LIN9: variants seen among roughly 807,000 people sequenced by gnomAD.
LIN9 encodes the protein protein lin-9 homolog.
Under a neutral mutation model 78.0 loss-of-function variants are expected in LIN9, and 18 were observed. The observed-to-expected ratio is 0.23, with a 90% CI of 0.16 to 0.34. The LOEUF (loss-of-function observed/expected upper bound fraction) is 0.34. LIN9 is among the 10% of genes least tolerant of loss of function. The pLI, the probability that LIN9 is intolerant of heterozygous loss-of-function variation, is 1.00. For synonymous variants in LIN9, 192 were observed against 215.2 expected (o/e 0.89, Z 0.94); for missense variants, 451 against 644.1 (o/e 0.70, Z 3.25).
At chr1:226,236,760 C>CTA (rs1427488968) in intron 12 of LIN9, among the ~76,000 whole-genome samples, 1 of 152,210 alleles carries the variant, frequency 6.6e-6, no homozygotes, top group African/African-American at 2.4e-5. Context: ...CCCGGCGTGT[C>CTA]TGACTTTATT....
intron 1 of LIN9, among the ~76,000 whole-genome samples, chr1:226,301,685 T>G (rs981149290): frequency 1.3e-5 from 2 of 152,216 alleles, no homozygotes; most frequent in African/African-American, 4.8e-5. Context: ...TATGTGATAC[T>G]TCAAGATCTA....
At chr1:226,275,235 CAT>C (rs1660566906) in intron 7 of LIN9, among the ~76,000 whole-genome samples, 1 of 152,176 alleles carries the variant, frequency 6.6e-6, no homozygotes, top group African/African-American at 2.4e-5. Flanking sequence ...TAAGTCACAA[CAT>C]ATCATTATTC....
At chr1:226,255,933 A>T (rs1659163269) in intron 10 of LIN9, among the ~76,000 whole-genome samples, 1 of 152,116 alleles carries the variant, frequency 6.6e-6, no homozygotes, top group Non-Finnish European at 1.5e-5. Context: ...AAAAAGGAAG[A>T]ACTATCTGAA....
At chr1:226,280,129 T>G (rs1263192651) in intron 6 of LIN9, among the ~76,000 whole-genome samples, 1 of 152,226 alleles carries the variant, frequency 6.6e-6, no homozygotes, top group Non-Finnish European at 1.5e-5. Context: ...CTAGAGCCTA[T>G]CTTCCTTCCG....
At chr1:226,260,628 GTTTTTTTTTTTTTTTTT>G (rs559460640) in intron 10 of LIN9, among the ~76,000 whole-genome samples, 34 of 73,438 alleles carry the variant, frequency 4.6e-4, no homozygotes, top group African/African-American at 1.5e-3. Context: ...GGCCAAATGA[GTTTTTTTTTTTTTTTTT>G]TTTTTTTTTT....
Position 226,233,517 on chromosome 1 carries a change from G to C in LIN9, c.1252C>G (p.Pro418Ala), listed in dbSNP as rs770313501. 3 of 1,612,598 alleles carry C rather than the reference G, an allele frequency of 1.9e-6. No homozygotes were observed. Among genetic ancestry groups the C allele is most frequent in the South Asian group, 2.2e-5 (2 of 90,714 alleles). The change falls in exon 13 of 15, where the codon CCA (proline) becomes GCA (alanine). Residue 418 changes from proline to alanine, a missense_variant. By Grantham distance (27) the Pro-to-Ala change is conservative. Coordinates refer to ENST00000681046, the MANE Select transcript of LIN9 (RefSeq NM_001366245.2). ...TCTGCAGGCTGGAGCCCCTGGTCTG[G>C]AGCAAGCTGAATACAGATGATTGAA... ...KVQQYCYELA[P>A]DQGLQPADQP...
At chr1:226,299,528 G>C (rs930395256) in intron 2 of LIN9, among the ~76,000 whole-genome samples, 4 of 150,850 alleles carry the variant, frequency 2.7e-5, no homozygotes, top group African/African-American at 7.3e-5. Context: ...AAAAAGGCAG[G>C]GGGGAGAGAA....
chr1:226,277,110 G>A (rs143209314), intron 7 of LIN9, among the ~76,000 whole-genome samples: 1,610 of 151,602 alleles, frequency 0.011, 24 homozygotes, highest in African/African-American at 0.036. Context: ...TTGGGAAACT[G>A]AGGCAGGAGG....
intron 10 of LIN9, among the ~76,000 whole-genome samples, chr1:226,261,135 T>C (rs527700090): frequency 6.8e-6 from 1 of 146,000 alleles, no homozygotes; most frequent in Non-Finnish European, 1.5e-5. Context: ...GTCCTCAACC[T>C]GATAAAAAAA....
intron 1 of LIN9, among the ~76,000 whole-genome samples, chr1:226,301,614 G>C (rs767487421): frequency 5.3e-5 from 8 of 152,214 alleles, no homozygotes; most frequent in Non-Finnish European, 1.0e-4. Context: ...ACAGGCAATG[G>C]AAATGATTCA....
At chr1:226,259,452 T>C (rs1384284494) in intron 10 of LIN9, among the ~76,000 whole-genome samples, 1 of 152,166 alleles carries the variant, frequency 6.6e-6, no homozygotes, top group Non-Finnish European at 1.5e-5. Flanking sequence ...TAACTGGATA[T>C]AATTGGTATC....
At chr1:226,275,693 GAAAAAAAAA>G (rs1272770989) in intron 7 of LIN9, among the ~76,000 whole-genome samples, 2 of 128,750 alleles carry the variant, frequency 1.6e-5, no homozygotes, top group Non-Finnish European at 3.2e-5. Flanking sequence ...CTCCGTCTCA[GAAAAAAAAA>G]AAAAAAAAAA....
intron 9 of LIN9, 24 bp downstream of exon 9, chr1:226,266,189 T>C (rs761462100): frequency 1.0e-5 from 15 of 1,477,268 alleles, no homozygotes; most frequent in East Asian, 7.6e-5. Context: ...AATTAAATTA[T>C]TGATATTTCT....
intron 7 of LIN9, among the ~76,000 whole-genome samples, chr1:226,269,910 T>C (rs1169740685): frequency 6.6e-6 from 1 of 152,260 alleles, no homozygotes; most frequent in East Asian, 1.9e-4. Flanking sequence ...TTCAAATCAT[T>C]AGGTGACCAC....
chr1:226,305,687 C>A (rs936476622), intron 1 of LIN9, among the ~76,000 whole-genome samples: 4 of 151,630 alleles, frequency 2.6e-5, no homozygotes, highest in African/African-American at 7.3e-5. Flanking sequence ...GGGAGACTGG[C>A]GAGTATCGGG....
rs561553661 is a variant in LIN9 at position 226,233,540 on chromosome 1, G to GA, written c.1246-18dup. The GA allele has an allele frequency of 3.6e-3, 5,767 of 1,584,418 alleles. 14 individuals carry two copies. Among genetic ancestry groups the GA allele is most frequent in the Non-Finnish European group, 4.3e-3 (4,992 of 1,164,778 alleles). Reference sequence around the variant, plus strand: ...TGGAGCAAGCTGAATACAGATGATTGAAGCATGAGACGCATGTTCGAGAAG... The same window carrying GA: ...TGGAGCAAGCTGAATACAGATGATTGAAAGCATGAGACGCATGTTCGAGAAG... On this transcript the variant is annotated splice_polypyrimidine_tract_variant and intron_variant, in intron 12 of 14. Transcript: ENST00000681046.
At chr1:226,287,948 G>T in intron 4 of LIN9, 151 bp from the exon 5 acceptor site, 1 of 575,264 alleles carries the variant, frequency 1.7e-6, no homozygotes, top group South Asian at 2.3e-5. Flanking sequence ...TTTTGTTGCT[G>T]TTTTAAACAC....
intron 2 of LIN9, among the ~76,000 whole-genome samples, chr1:226,298,859 T>G (rs1273507091): frequency 6.6e-6 from 1 of 152,108 alleles, no homozygotes; most frequent in African/African-American, 2.4e-5. Flanking sequence ...ACCACTGCAC[T>G]TCAGTCTGGG....
At chr1:226,266,150 T>C in intron 9 of LIN9, 63 bp downstream of exon 9, 1 of 1,208,680 alleles carries the variant, frequency 8.3e-7, no homozygotes, top group Non-Finnish European at 1.1e-6. Context: ...GTGTATTTCT[T>C]AAGAACATAG....
Sources: gnomAD v4.1 joint callset for allele counts (sites outside exome capture counted in the v4.1 genomes callset) on GRCh38, gnomAD v4.1.1 for gene constraint, MANE v1.5 for transcripts, NCBI Gene and HGNC (gene_info 2026-07-23, HGNC 2026-07-21) for gene names.